The following CEP162 variants were observed in gnomAD, a reference collection of about 807,000 sequenced individuals.
CEP162 encodes the protein centrosomal protein 162, also known as centrosomal protein of 162 kDa.
Under a neutral mutation model 169.2 loss-of-function variants are expected in CEP162, and 141 were observed. The observed-to-expected ratio is 0.83, with a 90% CI of 0.73 to 0.96. The LOEUF is 0.96. Ranked by LOEUF, CEP162 falls within the 40% of genes least tolerant of loss-of-function variation. The pLI, the probability that CEP162 is intolerant of heterozygous loss-of-function variation, is 0.00. For missense variants in CEP162, 1,600 were observed against 1,587.2 expected (o/e 1.01, Z -0.14); for synonymous variants, 540 against 526.4 (o/e 1.03, Z -0.35).
At chr6:84,167,613 T>C (rs530059824) in intron 18 of CEP162, among the ~76,000 whole-genome samples, 10 of 152,288 alleles carry the variant, frequency 6.6e-5, no homozygotes, top group South Asian at 2.1e-4. Context: ...CTTCTAAGAA[T>C]TGTTTTGCAT....
At chr6:84,144,913 A>T (rs1221748934) in intron 25 of CEP162, among the ~76,000 whole-genome samples, 1 of 152,082 alleles carries the variant, frequency 6.6e-6, no homozygotes, top group Non-Finnish European at 1.5e-5. Flanking sequence ...CCATTAGCTG[A>T]GTATTCTTAT....
intron 21 of CEP162, among the ~76,000 whole-genome samples, chr6:84,157,893 G>A (rs544316447): frequency 1.2e-4 from 18 of 152,104 alleles, no homozygotes; most frequent in East Asian, 7.7e-4. Flanking sequence ...CCAATCCTCT[G>A]GTCCAAATAA....
At chr6:84,219,588 G>A (rs916452668) in intron 3 of CEP162, among the ~76,000 whole-genome samples, 1 of 152,156 alleles carries the variant, frequency 6.6e-6, no homozygotes, top group African/African-American at 2.4e-5. Context: ...AGCAGGGAGA[G>A]AGTCTAAAAC....
intron 25 of CEP162, among the ~76,000 whole-genome samples, chr6:84,144,267 G>A (rs2099517908): frequency 6.6e-6 from 1 of 151,890 alleles, no homozygotes; most frequent in African/African-American, 2.4e-5. Context: ...AATCTTCTTT[G>A]AGTTATTTTT....
At position 84,155,291 on chromosome 6, in the gene CEP162, C is replaced by A; in HGVS notation, c.2994+7G>T. The A allele has an allele frequency of 6.2e-7, 1 of 1,610,570 alleles. No individual in the cohort carries two copies. Among genetic ancestry groups the A allele is most frequent in the South Asian group, 1.1e-5 (1 of 90,892 alleles). ...GACCTTTATCTCTGAGGCTACTTAC[C>A]ACTTACCTTCATTTTCTGAAACTGT... On this transcript the variant is annotated splice_region_variant and intron_variant, in intron 22 of 26. Coordinates refer to ENST00000403245, the MANE Select transcript of CEP162 (RefSeq NM_014895.4).
intron 13 of CEP162, among the ~76,000 whole-genome samples, chr6:84,184,938 G>T (rs2099536444): frequency 6.6e-6 from 1 of 151,900 alleles, no homozygotes. Flanking sequence ...CCAGCTGAGT[G>T]TAACTCCATT....
At chr6:84,173,892 C>A (rs920319366) in intron 16 of CEP162, among the ~76,000 whole-genome samples, 156 bp downstream of exon 16, 13 of 151,970 alleles carry the variant, frequency 8.6e-5, no homozygotes, top group Non-Finnish European at 1.8e-4. Context: ...ACCATGTTGG[C>A]CAGGCTGGTC....
chr6:84,199,936 C>T (rs1383694857), intron 9 of CEP162, among the ~76,000 whole-genome samples: 3 of 152,154 alleles, frequency 2.0e-5, no homozygotes, highest in African/African-American at 7.2e-5. Flanking sequence ...ATCATTTTTA[C>T]CTATGAGAGA....
intron 3 of CEP162, chr6:84,219,178 G>T (rs1292323376): frequency 3.9e-6 from 5 of 1,288,194 alleles, no homozygotes; most frequent in Non-Finnish European, 5.1e-6. Flanking sequence ...CTACACTCTT[G>T]ATACAGGAAT....
intron 23 of CEP162, among the ~76,000 whole-genome samples, chr6:84,151,614 A>C (rs1473509405): frequency 6.6e-6 from 1 of 152,168 alleles, no homozygotes; most frequent in Non-Finnish European, 1.5e-5. Flanking sequence ...GGGTAAGTTT[A>C]GCAACAGAGA....
rs1355637772 is a variant in CEP162 at position 84,212,846 on chromosome 6, A to G, written c.571+111T>C. 6.2e-5 allele frequency: 43 copies of G among 696,424 alleles called. No individual in the cohort carries two copies. In the East Asian group the frequency reaches 1.2e-3, roughly 19 times the overall value. 43.1% of individuals were successfully genotyped at this position (696,424 alleles called of 1,614,324 possible). ...TAACACAGGCAAACCCACTCTATTC[A>G]AAGCTCTGAGACAATATGATTTTCC... On this transcript the variant is annotated intron_variant, in intron 6 of 26. Transcript: ENST00000403245.
chr6:84,175,443 C>A, intron 13 of CEP162, 96 bp from the exon 14 acceptor site: 3 of 862,994 alleles, frequency 3.5e-6, no homozygotes, highest in Middle Eastern at 3.4e-4. Flanking sequence ...AATGGAAACA[C>A]AAAAATGAGG....
At chr6:84,212,717 G>A (rs556339320) in intron 6 of CEP162, among the ~76,000 whole-genome samples, 1 of 152,152 alleles carries the variant, frequency 6.6e-6, no homozygotes, top group African/African-American at 2.4e-5. Context: ...AAAAGGCAGA[G>A]ACTGTCAGAT....
intron 17 of CEP162, 40 bp from the exon 18 acceptor site, chr6:84,169,473 AC>A: frequency 2.5e-6 from 3 of 1,192,946 alleles, no homozygotes; most frequent in African/African-American, 1.5e-5. Context: ...TTTCTTTCTT[AC>A]CAGGTGCTCC....
At position 84,204,110 on chromosome 6, in the gene CEP162, T is replaced by A. The variant is rs2099545760; in HGVS notation, c.572-14A>T. The A allele has an allele frequency of 1.3e-6, 2 of 1,491,916 alleles. No homozygotes were observed. The highest frequency in any genetic ancestry group is 1.8e-6 in the Non-Finnish European group (2 of 1,085,258). 92.4% of individuals were successfully genotyped at this position (1,491,916 alleles called of 1,614,324 possible). On this transcript the variant is annotated splice_polypyrimidine_tract_variant and intron_variant, in intron 6 of 26. Coordinates refer to ENST00000403245, the MANE Select transcript of CEP162 (RefSeq NM_014895.4). The stretch of plus-strand genomic sequence containing the variant: ...CACTGTAATTTTCTGAAGAAAGTAA[T>A]TTTTAAAAGTACAAAGACCACATTG...
At chr6:84,195,138 A>C (rs534435337) in intron 9 of CEP162, 63 bp from the exon 10 acceptor site, 27 of 1,262,232 alleles carry the variant, frequency 2.1e-5, no homozygotes, top group Non-Finnish European at 2.9e-5. Flanking sequence ...ACGATAAAAC[A>C]CTAATATCAT....
At chr6:84,216,013 T>C in intron 3 of CEP162, 91 bp from the exon 4 acceptor site, 5 of 1,401,310 alleles carry the variant, frequency 3.6e-6, no homozygotes, top group Non-Finnish European at 4.6e-6. Flanking sequence ...ATGCTAATTT[T>C]GTGCACAGTA....
At chr6:84,159,921 T>C (rs1275409818) in intron 21 of CEP162, among the ~76,000 whole-genome samples, 1 of 152,020 alleles carries the variant, frequency 6.6e-6, no homozygotes, top group Admixed American at 6.6e-5. Flanking sequence ...GGCTGATCCT[T>C]TCTTGGCCCT....
chr6:84,170,373 C>CAA (rs57988482), intron 17 of CEP162, among the ~76,000 whole-genome samples: 22 of 28,336 alleles, frequency 7.8e-4, no homozygotes, highest in East Asian at 5.4e-3. Context: ...GACTCCGTCT[C>CAA]AAAAAAAAAA....
Sources: gnomAD v4.1 joint callset for allele counts (sites outside exome capture counted in the v4.1 genomes callset) on GRCh38, gnomAD v4.1.1 for gene constraint, MANE v1.5 for transcripts, NCBI Gene and HGNC (gene_info 2026-07-23, HGNC 2026-07-21) for gene names.